ACOX3: variants seen among roughly 807,000 people sequenced by gnomAD.
ACOX3 encodes peroxisomal acyl-coenzyme A oxidase 3.
ACOX3 carries 73 observed loss-of-function variants against 81.5 expected under a neutral mutation model. The ratio of observed to expected loss-of-function variants is 0.90; its 90% CI spans 0.74 to 1.09. ACOX3 has a LOEUF of 1.09. Among genes scored for constraint, ACOX3 ranks in the 50% least tolerant of loss-of-function variants. The probability of loss-of-function intolerance (pLI) is 0.00; values close to 1 mark genes in which losing one functional copy is unlikely to be tolerated. For synonymous variants in ACOX3, 387 were observed against 375.1 expected (o/e 1.03, Z -0.37); for missense variants, 947 against 928.0 (o/e 1.02, Z -0.27).
rs1337658872 is a variant in ACOX3 at position 8,370,124 on chromosome 4, G to C, written c.1983+784C>G. On this transcript the variant is annotated intron_variant, in intron 17 of 17. Coordinates refer to ENST00000356406, the MANE Select transcript of ACOX3 (RefSeq NM_003501.3). The surrounding 1 kb of genome is among the most constrained non-coding windows in gnomAD (Gnocchi z 6.3). ...AGAAGGCCTCTCCAAGGCAGCAATA[G>C]TCAGCTTATACTGAAAGAATGGAAG... is the stretch of plus-strand genomic sequence containing the variant. Among the ~76,000 whole-genome samples the C allele has an allele frequency of 2.0e-5, 3 of 152,224 alleles. No individual in the cohort carries two copies. Among genetic ancestry groups the C allele is most frequent in the Admixed American group, 2.0e-4 (3 of 15,290 alleles).
chr4:8,425,213 G>A (rs1723345514), intron 1 of ACOX3, among the ~76,000 whole-genome samples: 1 of 152,016 alleles, frequency 6.6e-6, no homozygotes, highest in Admixed American at 6.5e-5. Context: ...GAAATAGAAG[G>A]GAACCGCGAA....
At chr4:8,392,250 G>C (rs934870815) in intron 11 of ACOX3, 83 bp downstream of exon 11, 1 of 1,354,260 alleles carries the variant, frequency 7.4e-7, no homozygotes, top group Middle Eastern at 2.3e-4. Context: ...TTGGTCCTCA[G>C]GCCGCAGTCT....
intron 1 of ACOX3, among the ~76,000 whole-genome samples, chr4:8,429,156 C>T (rs1723793899): frequency 6.6e-6 from 1 of 152,190 alleles, no homozygotes; most frequent in African/African-American, 2.4e-5. Context: ...GACACACACA[C>T]TTCTTATGAA....
intron 9 of ACOX3, among the ~76,000 whole-genome samples, chr4:8,395,236 C>T (rs1368002684): frequency 2.1e-5 from 2 of 93,732 alleles, no homozygotes; most frequent in Admixed American, 1.8e-4. Context: ...TAGGGTCCAC[C>T]TATTGTTGGA....
intron 1 of ACOX3, among the ~76,000 whole-genome samples, chr4:8,420,397 G>A (rs1332089416): frequency 6.6e-6 from 1 of 152,176 alleles, no homozygotes; most frequent in African/African-American, 2.4e-5. Flanking sequence ...TTCCAAGGCT[G>A]ACTAAGAATT....
rs573664527 is a variant in ACOX3, at chr4:8,433,426, C to T, written c.-15+7222G>A. 3.9e-5 allele frequency among the ~76,000 whole-genome samples: 6 copies of T among 152,364 alleles called. No individual in the cohort carries two copies. In the South Asian group the frequency reaches 1.0e-3, roughly 26 times the overall value. ...GAATGCCAATGATTGCTGGCAACCA[C>T]TACAAACTAGGAGAGATGAATGGAT... On this transcript the variant is annotated intron_variant, in intron 1 of 17. Coordinates refer to ENST00000356406, the MANE Select transcript of ACOX3 (RefSeq NM_003501.3).
intron 5 of ACOX3, among the ~76,000 whole-genome samples, chr4:8,413,188 A>T (rs1158605794): frequency 1.9e-5 from 2 of 102,622 alleles, no homozygotes; most frequent in African/African-American, 7.8e-5. Context: ...ATCTCCCTCC[A>T]CCCCTGCACC....
rs1223845310 is a variant in ACOX3 at position 8,384,461 on chromosome 4, C to T, written c.1538-2854G>A. ...GCAGTGAATTCTCTTGCTCGGAATGCGGCTGCTGGCGGCCTGAGGACACAC... is the reference window on the plus strand; with the variant it reads ...GCAGTGAATTCTCTTGCTCGGAATGTGGCTGCTGGCGGCCTGAGGACACAC... On this transcript the variant is annotated intron_variant, in intron 13 of 17. Transcript: ENST00000356406. The surrounding 1 kb of genome is among the most constrained non-coding windows in gnomAD (Gnocchi z 5.3). 1.3e-5 allele frequency among the ~76,000 whole-genome samples: 2 copies of T among 152,182 alleles called. No homozygotes were observed. The highest frequency in any genetic ancestry group is 2.9e-5 in the Non-Finnish European group (2 of 68,038).
At chr4:8,390,105 C>CAA (rs752872641) in intron 11 of ACOX3, among the ~76,000 whole-genome samples, 29,701 of 126,116 alleles carry the variant, frequency 0.24, 4,675 homozygotes, top group African/African-American at 0.36. Flanking sequence ...CCTGTCTCAA[C>CAA]AACAACAACA....
intron 14 of ACOX3, 60 bp from the exon 15 acceptor site, chr4:8,375,212 G>C (rs1042404457): frequency 6.9e-7 from 1 of 1,457,706 alleles, no homozygotes; most frequent in Non-Finnish European, 9.2e-7. Context: ...CAGATTCCCG[G>C]GGGAGGAAGT....
chr4:8,357,271 G>C, the ACOX3 span: 2 of 456,602 alleles, frequency 4.4e-6, no homozygotes, highest in African/African-American at 4.0e-5. Flanking sequence ...CAGGAGACGG[G>C]GGCCCTCGAG....
rs2108778759 is a variant in ACOX3, at chr4:8,368,548, A to G, written c.1984-1468T>C. ...CTCTGCTACTCTGGGCTCCACAGAC[A>G]CAGACCCAGGCTGCTGCTCCACAGG... is the stretch of plus-strand genomic sequence containing the variant. On this transcript the variant is annotated intron_variant, in intron 17 of 17. Transcript: ENST00000356406. This position sits in a 1 kb window ranked among gnomAD's most constrained non-coding sequence, Gnocchi z 5.9. 6.6e-6 allele frequency among the ~76,000 whole-genome samples: 1 copy of G among 152,214 alleles called. No individual in the cohort carries two copies. Among genetic ancestry groups the G allele is most frequent in the Non-Finnish European group, 1.5e-5 (1 of 68,014 alleles).
chr4:8,417,230 A>C (rs1722434801), intron 1 of ACOX3, among the ~76,000 whole-genome samples: 1 of 152,242 alleles, frequency 6.6e-6, no homozygotes, highest in African/African-American at 2.4e-5. Flanking sequence ...GGTGAACCCA[A>C]GTCTGTCTGA....
chr4:8,430,906 T>C lies in ACOX3; in HGVS notation c.-15+9742A>G, dbSNP rs976062300. ...CCCACTGGGAAATGATTTGGGTCCA[T>C]TGCAGGAGTGAGAGGGAGAGGGAAG... On this transcript the variant is annotated intron_variant, in intron 1 of 17. Transcript: ENST00000356406. The surrounding 1 kb of genome is among the most constrained non-coding windows in gnomAD (Gnocchi z 5.2). Among the ~76,000 whole-genome samples, 2 of 152,066 alleles carry C rather than the reference T, an allele frequency of 1.3e-5. No individual in the cohort carries two copies. The highest frequency in any genetic ancestry group is 6.6e-5 in the Admixed American group (1 of 15,252).
chr4:8,361,402 G>T (rs1177890968), downstream of ACOX3, among the ~76,000 whole-genome samples: 6 of 132,600 alleles, frequency 4.5e-5, no homozygotes, highest in Non-Finnish European at 7.7e-5. Context: ...CTCCAGCCTG[G>T]GTGACAGAGG....
intron 10 of ACOX3, among the ~76,000 whole-genome samples, chr4:8,393,615 GCACACACACACACACACACACGCACA>G (rs1449073835): frequency 1.4e-5 from 2 of 140,502 alleles, no homozygotes; most frequent in Non-Finnish European, 1.6e-5. Flanking sequence ...ACACACACAC[GCACACACACACACACACACACGCACA>G]CACACACACA....
intron 14 of ACOX3, among the ~76,000 whole-genome samples, chr4:8,380,716 G>A (rs774680628): frequency 9.8e-5 from 15 of 152,296 alleles, no homozygotes; most frequent in East Asian, 3.9e-4. Flanking sequence ...ATGAACCGAC[G>A]CTAGGGAGAA....
chr4:8,361,220 A>G, the ACOX3 span, among the ~76,000 whole-genome samples: 32 of 151,810 alleles, frequency 2.1e-4, no homozygotes, highest in Admixed American at 1.3e-3. Flanking sequence ...TCAGGAGATC[A>G]AGACCATCCT....
At chr4:8,417,827 A>G (rs1439510024) in intron 1 of ACOX3, among the ~76,000 whole-genome samples, 1 of 152,260 alleles carries the variant, frequency 6.6e-6, no homozygotes, top group Non-Finnish European at 1.5e-5. Context: ...AATAAAAAGG[A>G]GAAAACACAA....
Sources: gnomAD v4.1 joint callset for allele counts (sites outside exome capture counted in the v4.1 genomes callset) on GRCh38, gnomAD v4.1.1 for gene constraint, Gnocchi (gnomAD v3.1) non-coding constraint, MANE v1.5 for transcripts, NCBI Gene and HGNC (gene_info 2026-07-23, HGNC 2026-07-21) for gene names.